The following SMYD3 variants were observed in gnomAD, a reference collection of about 807,000 sequenced individuals.
SMYD3 encodes the protein histone-lysine N-methyltransferase SMYD3.
A neutral mutation model predicts 57.7 loss-of-function variants in SMYD3; 36 were observed. That is an observed-to-expected ratio of 0.62 (90% confidence interval 0.48 to 0.82). The LOEUF (loss-of-function observed/expected upper bound fraction) is 0.82. SMYD3 is among the 40% of genes least tolerant of loss of function. The pLI, the probability that SMYD3 is intolerant of heterozygous loss-of-function variation, is 0.00. For synonymous variants in SMYD3, 211 were observed against 195.0 expected (o/e 1.08, Z -0.68); for missense variants, 515 against 538.8 (o/e 0.96, Z 0.44).
chr1:245,989,158 C>T (rs980327554), intron 5 of SMYD3, among the ~76,000 whole-genome samples: 1 of 152,132 alleles, frequency 6.6e-6, no homozygotes, highest in African/African-American at 2.4e-5. Flanking sequence ...CCTGTCTTCA[C>T]ATTTATAACA....
At chr1:246,237,569 C>A (rs2063532262) in intron 5 of SMYD3, among the ~76,000 whole-genome samples, 1 of 152,136 alleles carries the variant, frequency 6.6e-6, no homozygotes, top group Non-Finnish European at 1.5e-5. Flanking sequence ...CACTCCCTCC[C>A]CGTTTCTGGG....
At chr1:245,895,019 G>A (rs1335472832) in intron 8 of SMYD3, among the ~76,000 whole-genome samples, 1 of 152,164 alleles carries the variant, frequency 6.6e-6, no homozygotes, top group African/African-American at 2.4e-5. Context: ...TGTGGTGAAC[G>A]CCACAGTCCA....
At chr1:246,374,729 G>A (rs1383072749) in intron 1 of SMYD3, among the ~76,000 whole-genome samples, 2 of 152,078 alleles carry the variant, frequency 1.3e-5, no homozygotes, top group Non-Finnish European at 2.9e-5. Context: ...CCCAGCAGGA[G>A]TGTGAGGCCG....
chr1:246,208,332 C>G (rs974490844), intron 5 of SMYD3, among the ~76,000 whole-genome samples: 2 of 152,070 alleles, frequency 1.3e-5, no homozygotes, highest in Non-Finnish European at 2.9e-5. Context: ...GCTGATATGA[C>G]TGTAAAATGT....
At chr1:245,786,245 A>AAGAAAAAG (rs1371851902) in intron 10 of SMYD3, among the ~76,000 whole-genome samples, 2 of 150,786 alleles carry the variant, frequency 1.3e-5, no homozygotes, top group Non-Finnish European at 2.9e-5. Context: ...GAATATTAAG[A>AAGAAAAAG]AGAAAAAGAA....
intron 1 of SMYD3, among the ~76,000 whole-genome samples, chr1:246,384,030 A>C (rs2066430630): frequency 6.6e-6 from 1 of 152,176 alleles, no homozygotes; most frequent in Non-Finnish European, 1.5e-5. Flanking sequence ...CTGGTGTCTT[A>C]GACAAAACAA....
chr1:246,299,994 G>A (rs905627714), intron 5 of SMYD3, among the ~76,000 whole-genome samples: 4 of 150,808 alleles, frequency 2.7e-5, no homozygotes, highest in African/African-American at 9.8e-5. Context: ...TCCTGCACAT[G>A]TACCCCTGAA....
At chr1:246,249,244 C>G (rs2063760858) in intron 5 of SMYD3, among the ~76,000 whole-genome samples, 1 of 152,022 alleles carries the variant, frequency 6.6e-6, no homozygotes, top group Non-Finnish European at 1.5e-5. Context: ...GCTGGGAGTA[C>G]AGGCGCCTGC....
At chr1:246,347,084 C>T (rs1407451664) in intron 2 of SMYD3, among the ~76,000 whole-genome samples, 1 of 151,842 alleles carries the variant, frequency 6.6e-6, no homozygotes, top group Non-Finnish European at 1.5e-5. Flanking sequence ...AGAAGAATCT[C>T]TGAGCTGAAA....
At chr1:246,468,517 T>C (rs2067912866) in intron 1 of SMYD3, among the ~76,000 whole-genome samples, 1 of 151,968 alleles carries the variant, frequency 6.6e-6, no homozygotes, top group South Asian at 2.1e-4. Flanking sequence ...GGCACATGCC[T>C]GTAATCCCAG....
chr1:246,157,853 G>A (rs2062046843), intron 5 of SMYD3, among the ~76,000 whole-genome samples: 1 of 152,184 alleles, frequency 6.6e-6, no homozygotes, highest in Non-Finnish European at 1.5e-5. Context: ...TAAGGATCTA[G>A]ACCTGTGGTT....
At chr1:246,326,197 G>A in intron 5 of SMYD3, 1 of 445,236 alleles carries the variant, frequency 2.2e-6, no homozygotes. Flanking sequence ...CTTCAAACGT[G>A]TGCTTACAAA....
At chr1:246,505,751 G>A (rs1024809140) in intron 1 of SMYD3, among the ~76,000 whole-genome samples, 2 of 152,226 alleles carry the variant, frequency 1.3e-5, no homozygotes, top group African/African-American at 4.8e-5. Flanking sequence ...AAGGGTTTGT[G>A]TAGCTTATTT....
At chr1:246,485,911 A>T (rs2068180858) in intron 1 of SMYD3, among the ~76,000 whole-genome samples, 1 of 152,244 alleles carries the variant, frequency 6.6e-6, no homozygotes, top group Non-Finnish European at 1.5e-5. Context: ...AAACAGGAAT[A>T]ATATAAAGAG....
chr1:245,867,614 G>A (rs1233368008), intron 8 of SMYD3, among the ~76,000 whole-genome samples: 1 of 151,960 alleles, frequency 6.6e-6, no homozygotes, highest in Non-Finnish European at 1.5e-5. Context: ...GAAGAGGCAG[G>A]TGGAACACAC....
intron 1 of SMYD3, among the ~76,000 whole-genome samples, chr1:246,465,162 C>T (rs569816249): frequency 1.7e-4 from 26 of 152,154 alleles, no homozygotes; most frequent in Non-Finnish European, 3.5e-4. Flanking sequence ...TTTCCAGATG[C>T]TACTATCCTT....
At chr1:245,842,725 T>A (rs1177507752) in intron 10 of SMYD3, among the ~76,000 whole-genome samples, 2 of 152,200 alleles carry the variant, frequency 1.3e-5, no homozygotes, top group African/African-American at 4.8e-5. Context: ...TACTTTTTTT[T>A]AGAGATGGGG....
chr1:246,291,814 C>T (rs1027440025), intron 5 of SMYD3, among the ~76,000 whole-genome samples: 3 of 152,186 alleles, frequency 2.0e-5, no homozygotes, highest in African/African-American at 2.4e-5. Context: ...ATGAATTTGA[C>T]GATCACACAG....
intron 10 of SMYD3, among the ~76,000 whole-genome samples, chr1:245,797,828 CAAAAAAAAAAA>C (rs559088835): frequency 5.5e-5 from 6 of 109,434 alleles, no homozygotes; most frequent in African/African-American, 7.6e-5. Flanking sequence ...TTCCGGGTTC[CAAAAAAAAAAA>C]AAAAAAAAAG....
Sources: gnomAD v4.1 joint callset for allele counts (sites outside exome capture counted in the v4.1 genomes callset) on GRCh38, gnomAD v4.1.1 for gene constraint, MANE v1.5 for transcripts, NCBI Gene and HGNC (gene_info 2026-07-23, HGNC 2026-07-21) for gene names.